Variants in PLCXD3 observed in about 807,000 individuals in gnomAD.
The protein encoded by PLCXD3 is PI-PLC X domain-containing protein 3.
Under a neutral mutation model 25.5 loss-of-function variants are expected in PLCXD3, and 19 were observed. That is an observed-to-expected ratio of 0.75 (90% CI 0.52 to 1.09). The LOEUF (loss-of-function observed/expected upper bound fraction) is 1.09, where lower values mean the gene tolerates loss of function less well. Among genes scored for constraint, PLCXD3 ranks in the 50% least tolerant of loss-of-function variants. The probability of loss-of-function intolerance (pLI) is 0.00; values close to 1 mark genes in which losing one functional copy is unlikely to be tolerated. For missense variants in PLCXD3, 411 were observed against 388.1 expected (o/e 1.06, Z -0.50); for synonymous variants, 174 against 137.6 (o/e 1.26, Z -1.85).
chr5:41,493,187 G>A (rs1748744449), intron 1 of PLCXD3, among the ~76,000 whole-genome samples: 1 of 152,182 alleles, frequency 6.6e-6, no homozygotes, highest in East Asian at 1.9e-4. Context: ...GGAGTTTGCT[G>A]GAGGTCCACT....
chr5:41,418,277 CT>C (rs1746738127), intron 1 of PLCXD3, among the ~76,000 whole-genome samples: 2 of 152,176 alleles, frequency 1.3e-5, no homozygotes, highest in Non-Finnish European at 2.9e-5. Flanking sequence ...TCAAAATTCT[CT>C]TTTGTTTTTA....
intron 1 of PLCXD3, among the ~76,000 whole-genome samples, chr5:41,447,378 G>T (rs994907284): frequency 1.3e-5 from 2 of 152,168 alleles, no homozygotes; most frequent in African/African-American, 4.8e-5. Flanking sequence ...CTGAGACCAA[G>T]CATCTTGTCA....
At chr5:41,314,024 A>G (rs1222491688) in intron 2 of PLCXD3, among the ~76,000 whole-genome samples, 1 of 152,216 alleles carries the variant, frequency 6.6e-6, no homozygotes, top group Non-Finnish European at 1.5e-5. Context: ...GATAGTTTAT[A>G]ATGATGCTTC....
chr5:41,408,394 C>T (rs1432136844), intron 1 of PLCXD3, among the ~76,000 whole-genome samples: 1 of 152,140 alleles, frequency 6.6e-6, no homozygotes, highest in Non-Finnish European at 1.5e-5. Flanking sequence ...GACACATACA[C>T]ACATATGCAT....
chr5:41,330,173 T>G (rs906731641), intron 2 of PLCXD3, among the ~76,000 whole-genome samples: 6 of 151,578 alleles, frequency 4.0e-5, no homozygotes, highest in African/African-American at 1.5e-4. Context: ...AAGATTATTA[T>G]AAAAATGTCA....
chr5:41,420,634 C>G lies in PLCXD3; in HGVS notation c.104-38100G>C, dbSNP rs553669216. Among the ~76,000 whole-genome samples, 3 of 152,282 alleles carry G rather than the reference C, an allele frequency of 2.0e-5. No homozygotes were observed. In the East Asian group the frequency reaches 5.8e-4, roughly 30 times the overall value. On this transcript the variant is annotated intron_variant, in intron 1 of 2. Transcript: ENST00000377801. ...TGCCAAATCTGCCATGCTTAGCAGTCTTAATTTCTTCTGCTTCTCAGTGAC... is the reference window on the plus strand; with the variant it reads ...TGCCAAATCTGCCATGCTTAGCAGTGTTAATTTCTTCTGCTTCTCAGTGAC...
Position 41,442,746 on chromosome 5 carries a change from T to G in PLCXD3, c.104-60212A>C, listed in dbSNP as rs149027954. 8.9e-3 allele frequency among the ~76,000 whole-genome samples: 1,358 copies of G among 152,314 alleles called. 13 individuals carry two copies. The highest frequency in any genetic ancestry group is 0.013 in the Admixed American group (206 of 15,298). ...GAAAGTCCGTAAAGTTTTCTTTTTC[T>G]GTCTCATTAGCTAGCCCTTAATCCC... On this transcript the variant is annotated intron_variant, in intron 1 of 2. Coordinates refer to ENST00000377801, the MANE Select transcript of PLCXD3 (RefSeq NM_001005473.3).
In PLCXD3 at chr5:41,405,845, C is replaced by T. The variant is rs536834884; in HGVS notation, c.104-23311G>A. ...ATTAGTCTACTTAATCTGCCTCTCT[C>T]TTCCCCAACTTTGGTTCCATCTTTA... On this transcript the variant is annotated intron_variant, in intron 1 of 2. Transcript: ENST00000377801. Among the ~76,000 whole-genome samples the T allele has an allele frequency of 5.3e-5, 8 of 152,172 alleles. No individual in the cohort carries two copies. In the South Asian group the frequency reaches 1.7e-3, roughly 32 times the overall value.
rs936609655 is a variant in PLCXD3 at position 41,491,171 on chromosome 5, T to C, written c.103+19253A>G. Among the ~76,000 whole-genome samples, 12 of 152,254 alleles carry C rather than the reference T, an allele frequency of 7.9e-5. No homozygotes were observed. In the East Asian group the frequency reaches 9.6e-4, roughly 12 times the overall value. Reference sequence around the variant, plus strand: ...ATTGGTTTCAAAGAATATCTTTCTTTCTGCCTTCATTTCCTTATGTACCCA... The same window carrying C: ...ATTGGTTTCAAAGAATATCTTTCTTCCTGCCTTCATTTCCTTATGTACCCA... On this transcript the variant is annotated intron_variant, in intron 1 of 2. Coordinates refer to ENST00000377801, the MANE Select transcript of PLCXD3 (RefSeq NM_001005473.3).
intron 2 of PLCXD3, among the ~76,000 whole-genome samples, chr5:41,319,572 A>AAACAC (rs1428464716): frequency 1.3e-5 from 2 of 152,180 alleles, no homozygotes; most frequent in East Asian, 3.8e-4. Context: ...ATAATAATGG[A>AAACAC]AACACAACAC....
At position 41,311,555 on chromosome 5, in the gene PLCXD3, A is replaced by T. The variant is rs1743136994; in HGVS notation, c.*2062T>A. The T allele has an allele frequency of 6.6e-6, 1 of 152,128 alleles. No individual in the cohort carries two copies. The highest frequency in any genetic ancestry group is 2.4e-5 in the African/African-American group (1 of 41,438). The allele number at this position is 152,128 out of a possible 1,614,324, so 9.4% of individuals were successfully genotyped here. On this transcript the variant is annotated 3_prime_UTR_variant, in exon 3 of 3. Coordinates refer to ENST00000377801, the MANE Select transcript of PLCXD3 (RefSeq NM_001005473.3). ...TCTGTGTGTGTTTCTGTATGTTTGA[A>T]TTTGTATGCTATCACAGGAATGGGC...
chr5:41,383,888 T>A (rs1739678465), intron 1 of PLCXD3, among the ~76,000 whole-genome samples: 1 of 152,050 alleles, frequency 6.6e-6, no homozygotes, highest in Non-Finnish European at 1.5e-5. Flanking sequence ...TATACCTACG[T>A]CTATATTCCA....
At chr5:41,490,914 T>C (rs1312574901) in intron 1 of PLCXD3, among the ~76,000 whole-genome samples, 1 of 152,090 alleles carries the variant, frequency 6.6e-6, no homozygotes, top group Non-Finnish European at 1.5e-5. Context: ...TTTTGAAGGG[T>C]TTTTTGTGTC....
chr5:41,329,895 T>G (rs570208014), intron 2 of PLCXD3, among the ~76,000 whole-genome samples: 48 of 151,114 alleles, frequency 3.2e-4, no homozygotes, highest in Admixed American at 8.6e-4. Flanking sequence ...TATAAATCCA[T>G]GTCAAATTCT....
At chr5:41,498,348 A>G (rs1748884840) in intron 1 of PLCXD3, among the ~76,000 whole-genome samples, 1 of 151,720 alleles carries the variant, frequency 6.6e-6, no homozygotes, top group African/African-American at 2.4e-5. Flanking sequence ...AGACATTACA[A>G]CTAATTCCAC....
chr5:41,449,690 T>C (rs1463776319), intron 1 of PLCXD3, among the ~76,000 whole-genome samples: 1 of 152,108 alleles, frequency 6.6e-6, no homozygotes, highest in East Asian at 1.9e-4. Context: ...GGACATACTA[T>C]AGGAGTGCCT....
At chr5:41,489,169 C>T (rs1217943911) in intron 1 of PLCXD3, among the ~76,000 whole-genome samples, 1 of 151,882 alleles carries the variant, frequency 6.6e-6, no homozygotes, top group Non-Finnish European at 1.5e-5. Context: ...TTTCCCAGCA[C>T]CATTTATTAA....
chr5:41,380,355 C>A (rs894183647), intron 2 of PLCXD3, among the ~76,000 whole-genome samples: 1 of 152,026 alleles, frequency 6.6e-6, no homozygotes, highest in African/African-American at 2.4e-5. Context: ...TGTTTTTTCG[C>A]TTCCCCAGTG....
chr5:41,445,277 T>C (rs1747467888), intron 1 of PLCXD3, among the ~76,000 whole-genome samples: 1 of 152,230 alleles, frequency 6.6e-6, no homozygotes, highest in Admixed American at 6.5e-5. Context: ...TACCAATTTG[T>C]TATGTCCAGT....
Sources: gnomAD v4.1 joint callset for allele counts (sites outside exome capture counted in the v4.1 genomes callset) on GRCh38, gnomAD v4.1.1 for gene constraint, MANE v1.5 for transcripts, NCBI Gene and HGNC (gene_info 2026-07-23, HGNC 2026-07-21) for gene names.